Variants in BATF3 observed in about 807,000 individuals in gnomAD.
The protein encoded by BATF3 is basic leucine zipper ATF-like transcription factor 3.
BATF3 carries 8 observed loss-of-function variants against 16.1 expected under a neutral mutation model. The observed-to-expected ratio is 0.50, with a 90% CI of 0.29 to 0.90. The LOEUF (loss-of-function observed/expected upper bound fraction) is 0.90. Ranked by LOEUF, BATF3 falls within the 40% of genes least tolerant of loss-of-function variation. The probability of loss-of-function intolerance (pLI) is 0.08; values close to 1 mark genes in which losing one functional copy is unlikely to be tolerated. For synonymous variants in BATF3, 74 were observed against 72.7 expected (o/e 1.02, Z -0.09); for missense variants, 139 against 167.0 (o/e 0.83, Z 0.92).
At chr1:212,695,430 G>A (rs182916453) in intron 2 of BATF3, among the ~76,000 whole-genome samples, 1 of 141,608 alleles carries the variant, frequency 7.1e-6, no homozygotes, top group African/African-American at 2.6e-5. Flanking sequence ...GGAGGCAGAG[G>A]TTGCAGTGAG....
chr1:212,696,052 G>C (rs1023085739), intron 2 of BATF3, among the ~76,000 whole-genome samples: 2 of 152,034 alleles, frequency 1.3e-5, no homozygotes, highest in Admixed American at 6.6e-5. Context: ...ATGGGGTCTA[G>C]GGTCCAGGAC....
In BATF3 at chr1:212,689,822, C is replaced by G. The variant is rs1656955712; in HGVS notation, c.196-2843G>C. ...TCATACACAGCCCGACACACACACTCTCACACACACACACTCATACACAAC... is the reference window on the plus strand; with the variant it reads ...TCATACACAGCCCGACACACACACTGTCACACACACACACTCATACACAAC... On this transcript the variant is annotated intron_variant, in intron 2 of 2. Coordinates refer to ENST00000243440, the MANE Select transcript of BATF3 (RefSeq NM_018664.3). The surrounding 1 kb of genome is among the most constrained non-coding windows in gnomAD (Gnocchi z 4.6). 6.7e-6 allele frequency among the ~76,000 whole-genome samples: 1 copy of G among 149,480 alleles called. No homozygotes were observed. The highest frequency in any genetic ancestry group is 2.6e-5 in the African/African-American group (1 of 39,136).
chr1:212,694,408 A>C (rs971381961), intron 2 of BATF3, among the ~76,000 whole-genome samples: 21 of 152,060 alleles, frequency 1.4e-4, no homozygotes, highest in African/African-American at 5.1e-4. Context: ...AAGGCATGAG[A>C]TCTTCCTCCT....
Position 212,689,579 on chromosome 1 carries a change from T to C in BATF3, c.196-2600A>G, listed in dbSNP as rs1194415611. On this transcript the variant is annotated intron_variant, in intron 2 of 2. Transcript: ENST00000243440. The surrounding 1 kb of genome is among the most constrained non-coding windows in gnomAD (Gnocchi z 4.6). Reference sequence around the variant, plus strand: ...AGAATTCTGTCTACAAATCCAGCCATAAGCTCTCCGTGGGCAAGGGGAGAG... The same window carrying C: ...AGAATTCTGTCTACAAATCCAGCCACAAGCTCTCCGTGGGCAAGGGGAGAG... Among the ~76,000 whole-genome samples, 1 of 152,092 alleles carries C rather than the reference T, an allele frequency of 6.6e-6. No homozygotes were observed. The highest frequency in any genetic ancestry group is 1.5e-5 in the Non-Finnish European group (1 of 68,030).
chr1:212,692,048 G>C (rs559032330), intron 2 of BATF3, among the ~76,000 whole-genome samples: 2 of 152,326 alleles, frequency 1.3e-5, no homozygotes, highest in South Asian at 4.1e-4. Context: ...CCACTGCCCA[G>C]AAAACTCTGC....
At chr1:212,698,699 C>T (rs1479048588) in intron 1 of BATF3, 2 of 152,264 alleles carry the variant, frequency 1.3e-5, no homozygotes, top group Non-Finnish European at 2.9e-5. Flanking sequence ...GGGGAGCTGA[C>T]TCTAAACTGG....
chr1:212,699,348 G>A lies in BATF3; in HGVS notation c.90+325C>T, dbSNP rs1657209185. On this transcript the variant is annotated intron_variant, in intron 1 of 2. Transcript: ENST00000243440. This position sits in a 1 kb window ranked among gnomAD's most constrained non-coding sequence, Gnocchi z 4.4. The stretch of plus-strand genomic sequence containing the variant: ...GCGCCAGGATGGGGCGGCCCTCAGG[G>A]CAGTGCGGAGCCCACGTGCCGGGGA... Among the ~76,000 whole-genome samples, 1 of 152,150 alleles carries A rather than the reference G, an allele frequency of 6.6e-6. No homozygotes were observed. Among genetic ancestry groups the A allele is most frequent in the Non-Finnish European group, 1.5e-5 (1 of 68,004 alleles).
Position 212,699,628 on chromosome 1 carries a change from C to T in BATF3, c.90+45G>A, listed in dbSNP as rs1378085497. On this transcript the variant is annotated intron_variant, in intron 1 of 2. Coordinates refer to ENST00000243440, the MANE Select transcript of BATF3 (RefSeq NM_018664.3). The surrounding 1 kb of genome is among the most constrained non-coding windows in gnomAD (Gnocchi z 4.4). ...CACCTCCTCGCCCCCCGCGGCGCGC[C>T]GGTCCCCGCACCCCACGGCCCTCCC... The T allele has an allele frequency of 2.4e-5, 30 of 1,251,398 alleles. No homozygotes were observed. The highest frequency in any genetic ancestry group is 6.3e-5 in the East Asian group (2 of 31,524). 77.5% of individuals were successfully genotyped at this position (1,251,398 alleles called of 1,614,324 possible). A position where few individuals can be genotyped will look rare whatever the true frequency, so the allele number is the denominator to read the frequency against.
chr1:212,690,686 T>C (rs2102401283), intron 2 of BATF3, among the ~76,000 whole-genome samples: 1 of 152,326 alleles, frequency 6.6e-6, no homozygotes, highest in East Asian at 1.9e-4. Flanking sequence ...CCCTTCATTA[T>C]TTCCAAAAAT....
In BATF3 at chr1:212,699,363, C is replaced by A. The variant is rs1236476380; in HGVS notation, c.90+310G>T. The stretch of plus-strand genomic sequence containing the variant: ...GGCCCTCAGGGCAGTGCGGAGCCCA[C>A]GTGCCGGGGAGCACCGGCCATGCCC... On this transcript the variant is annotated intron_variant, in intron 1 of 2. Coordinates refer to ENST00000243440, the MANE Select transcript of BATF3 (RefSeq NM_018664.3). The surrounding 1 kb of genome is among the most constrained non-coding windows in gnomAD (Gnocchi z 4.4). 6.6e-6 allele frequency among the ~76,000 whole-genome samples: 1 copy of A among 152,102 alleles called. No individual in the cohort carries two copies. The highest frequency in any genetic ancestry group is 2.1e-4 in the South Asian group (1 of 4,830).
chr1:212,698,240 T>A (rs1404536028), intron 1 of BATF3: 1 of 152,266 alleles, frequency 6.6e-6, no homozygotes, highest in Non-Finnish European at 1.5e-5. Flanking sequence ...AACATGTGGT[T>A]AGAAGACAGC....
rs1268677542 is a variant in BATF3, at chr1:212,699,238, C to G, written c.90+435G>C. 6.6e-6 allele frequency among the ~76,000 whole-genome samples: 1 copy of G among 150,554 alleles called. No individual in the cohort carries two copies. The highest frequency in any genetic ancestry group is 2.4e-5 in the African/African-American group (1 of 40,852). On this transcript the variant is annotated intron_variant, in intron 1 of 2. Transcript: ENST00000243440. The surrounding 1 kb of genome is among the most constrained non-coding windows in gnomAD (Gnocchi z 4.4). ...CGCCCAGGCTGACTAGTCCGGCGTTCTCCATTCCCGCGGCAGCACCCCCCC... is the reference window on the plus strand; with the variant it reads ...CGCCCAGGCTGACTAGTCCGGCGTTGTCCATTCCCGCGGCAGCACCCCCCC...
chr1:212,696,963 C>T lies in BATF3; in HGVS notation c.193G>A (p.Glu65Lys). The T allele has an allele frequency of 6.2e-7, 1 of 1,614,106 alleles. No individual in the cohort carries two copies. The highest frequency in any genetic ancestry group is 8.5e-7 in the Non-Finnish European group (1 of 1,179,932). The change falls in exon 2 of 3, where the codon GAG becomes AAG. Residue 65 changes from glutamate to lysine, a missense_variant and splice_region_variant. Transcript: ENST00000243440. ...KQTQKADKLH[E>K]EYESLEQENT... is the part of the protein sequence containing the mutation. ...GCTTGCCCCTACCACGGTCTCACCT[C>T]ATGGAGCTTGTCAGCCTTCTGGGTC... is the stretch of plus-strand genomic sequence containing the variant.
chr1:212,687,239 A>ACAC (rs999573845), intron 2 of BATF3, among the ~76,000 whole-genome samples: 11 of 152,328 alleles, frequency 7.2e-5, no homozygotes, highest in African/African-American at 2.6e-4. Flanking sequence ...ACAAATGTAT[A>ACAC]CACCTGTGTT....
At chr1:212,696,310 G>T (rs1657126434) in intron 2 of BATF3, among the ~76,000 whole-genome samples, 1 of 152,164 alleles carries the variant, frequency 6.6e-6, no homozygotes, top group Non-Finnish European at 1.5e-5. Flanking sequence ...AAGAAGAGAT[G>T]GGTCCAAAGT....
At chr1:212,694,859 C>T (rs1430350312) in intron 2 of BATF3, among the ~76,000 whole-genome samples, 1 of 152,206 alleles carries the variant, frequency 6.6e-6, no homozygotes, top group African/African-American at 2.4e-5. Context: ...TAGGGCCCAG[C>T]CTTCTTACTT....
In BATF3 at chr1:212,699,418, T is replaced by C. The variant is rs537816466; in HGVS notation, c.90+255A>G. ...CAGCCAGGCGTCGGCGCCCTCGGGC[T>C]TCTTCCCCCAGAGGGCGCAGGAGCT... is the stretch of plus-strand genomic sequence containing the variant. On this transcript the variant is annotated intron_variant, in intron 1 of 2. Coordinates refer to ENST00000243440, the MANE Select transcript of BATF3 (RefSeq NM_018664.3). This position sits in a 1 kb window ranked among gnomAD's most constrained non-coding sequence, Gnocchi z 4.4. Among the ~76,000 whole-genome samples, 3 of 152,026 alleles carry C rather than the reference T, an allele frequency of 2.0e-5. No individual in the cohort carries two copies. The South Asian group carries it at 6.2e-4, about 31-fold the overall frequency.
rs1342776912 is a variant in BATF3 at position 212,699,625 on chromosome 1, C to T, written c.90+48G>A. The T allele has an allele frequency of 4.8e-6, 6 of 1,248,784 alleles. No homozygotes were observed. The highest frequency in any genetic ancestry group is 6.1e-6 in the Non-Finnish European group (6 of 991,512). The allele number at this position is 1,248,784 out of a possible 1,614,324, so 77.4% of individuals were successfully genotyped here. A position where few individuals can be genotyped will look rare whatever the true frequency, so the allele number is the denominator to read the frequency against. On this transcript the variant is annotated intron_variant, in intron 1 of 2. Transcript: ENST00000243440. This position sits in a 1 kb window ranked among gnomAD's most constrained non-coding sequence, Gnocchi z 4.4. ...ACCCACCTCCTCGCCCCCCGCGGCGCGCCGGTCCCCGCACCCCACGGCCCT... is the reference window on the plus strand; with the variant it reads ...ACCCACCTCCTCGCCCCCCGCGGCGTGCCGGTCCCCGCACCCCACGGCCCT...
At chr1:212,697,179 C>T in intron 1 of BATF3, 114 bp from the exon 2 acceptor site, 1 of 779,234 alleles carries the variant, frequency 1.3e-6, no homozygotes. Context: ...TTGCAGTAGA[C>T]AGCACCACTA....
Sources: gnomAD v4.1 joint callset for allele counts (sites outside exome capture counted in the v4.1 genomes callset) on GRCh38, gnomAD v4.1.1 for gene constraint, Gnocchi (gnomAD v3.1) non-coding constraint, MANE v1.5 for transcripts, NCBI Gene and HGNC (gene_info 2026-07-23, HGNC 2026-07-21) for gene names.